The following PDZRN3 variants were observed in gnomAD, a reference collection of about 807,000 sequenced individuals.
PDZRN3 encodes E3 ubiquitin-protein ligase PDZRN3.
Under a neutral mutation model 85.7 loss-of-function variants are expected in PDZRN3, and 38 were observed. The ratio of observed to expected loss-of-function variants is 0.44; its 90% CI spans 0.34 to 0.58. The LOEUF (loss-of-function observed/expected upper bound fraction) is 0.58, where lower values mean the gene tolerates loss of function less well. PDZRN3 is among the 20% of genes least tolerant of loss of function. The pLI, the probability that PDZRN3 is intolerant of heterozygous loss-of-function variation, is 0.01. For synonymous variants in PDZRN3, 759 were observed against 638.0 expected, an observed-to-expected ratio of 1.19 and a Z score of -2.86; for missense variants, 1,629 against 1,506.4, an observed-to-expected ratio of 1.08 and a Z score of -1.35.
intron 3 of PDZRN3, among the ~76,000 whole-genome samples, chr3:73,440,778 T>G (rs1481441571): frequency 6.6e-6 from 1 of 151,864 alleles, no homozygotes; most frequent in Non-Finnish European, 1.5e-5. Flanking sequence ...GTGTAGAGAG[T>G]GAACTCAGCC....
intron 3 of PDZRN3, among the ~76,000 whole-genome samples, chr3:73,409,160 A>G (rs947365582): frequency 6.6e-6 from 1 of 152,186 alleles, no homozygotes; most frequent in African/African-American, 2.4e-5. Flanking sequence ...CAAAAATCCA[A>G]TCAGTTAGTC....
intron 3 of PDZRN3, among the ~76,000 whole-genome samples, chr3:73,460,581 A>C (rs1185326452): frequency 6.6e-6 from 1 of 152,240 alleles, no homozygotes; most frequent in Non-Finnish European, 1.5e-5. Flanking sequence ...TATCTGACAA[A>C]TGTGGCCTCA....
intron 3 of PDZRN3, among the ~76,000 whole-genome samples, chr3:73,489,700 G>A (rs1314722444): frequency 3.3e-5 from 5 of 149,582 alleles, no homozygotes; most frequent in Non-Finnish European, 4.4e-5. Flanking sequence ...AGCCTCCCCA[G>A]TAGCTGGAAT....
chr3:73,505,103 G>A (rs946111689), intron 3 of PDZRN3, among the ~76,000 whole-genome samples: 2 of 152,170 alleles, frequency 1.3e-5, no homozygotes, highest in African/African-American at 4.8e-5. Context: ...ACACCCATGG[G>A]AGGTGGCTTG....
intron 3 of PDZRN3, among the ~76,000 whole-genome samples, chr3:73,526,974 G>A (rs897776739): frequency 2.6e-5 from 4 of 152,022 alleles, no homozygotes; most frequent in African/African-American, 9.7e-5. Context: ...TCAGCCTCCT[G>A]GGTAGCTGGG....
At chr3:73,559,696 A>G (rs1201376497) in intron 3 of PDZRN3, among the ~76,000 whole-genome samples, 4 of 152,252 alleles carry the variant, frequency 2.6e-5, no homozygotes, top group African/African-American at 9.6e-5. Flanking sequence ...ATAAGTTTAC[A>G]CTTTAAAAGA....
At chr3:73,594,739 A>G (rs1702409231) in intron 3 of PDZRN3, among the ~76,000 whole-genome samples, 1 of 152,154 alleles carries the variant, frequency 6.6e-6, no homozygotes, top group Non-Finnish European at 1.5e-5. Context: ...GCTGTAGTAA[A>G]GACTATTAAG....
intron 3 of PDZRN3, among the ~76,000 whole-genome samples, chr3:73,560,897 A>C (rs1701802510): frequency 6.6e-6 from 1 of 152,222 alleles, no homozygotes; most frequent in South Asian, 2.1e-4. Context: ...TGCGTTTGGC[A>C]CATTTGTACA....
chr3:73,524,983 A>G (rs1415302026), intron 3 of PDZRN3, among the ~76,000 whole-genome samples: 1 of 149,294 alleles, frequency 6.7e-6, no homozygotes. Flanking sequence ...AATCACAGAT[A>G]TAAGAAATTA....
intron 5 of PDZRN3, among the ~76,000 whole-genome samples, chr3:73,396,136 T>C (rs1289812294): frequency 1.3e-5 from 2 of 152,068 alleles, no homozygotes; most frequent in Non-Finnish European, 2.9e-5. Flanking sequence ...GGCAGGTGAA[T>C]TGCTTGAACC....
At chr3:73,483,741 T>C (rs1703611238) in intron 3 of PDZRN3, among the ~76,000 whole-genome samples, 1 of 151,908 alleles carries the variant, frequency 6.6e-6, no homozygotes, top group Non-Finnish European at 1.5e-5. Flanking sequence ...GAGGAGACAG[T>C]GAATGCAAAG....
chr3:73,515,184 T>C (rs1352722892), intron 3 of PDZRN3, among the ~76,000 whole-genome samples: 2 of 146,424 alleles, frequency 1.4e-5, no homozygotes, highest in African/African-American at 2.5e-5. Context: ...TTTTTTTTTT[T>C]TTTTTTTTTT....
Position 73,384,223 on chromosome 3 carries a change from TCTC to T in PDZRN3, c.2340_2342del (p.Arg781del), listed in dbSNP as rs765025196. On this transcript the variant is annotated inframe_deletion, in exon 10 of 10. Coordinates refer to ENST00000263666, the MANE Select transcript of PDZRN3 (RefSeq NM_015009.3). ...TCGGGCAGCTGATGCCCTCCGCCGC[TCTC>T]CTCAAGGAGTTGTCGGGGGAGATCT... 1.3e-5 allele frequency: 21 copies of T among 1,613,560 alleles called. No individual in the cohort carries two copies. The highest frequency in any genetic ancestry group is 2.2e-5 in the East Asian group (1 of 44,848).
chr3:73,408,680 TA>T (rs1206236352), intron 3 of PDZRN3, among the ~76,000 whole-genome samples: 1 of 152,110 alleles, frequency 6.6e-6, no homozygotes, highest in Non-Finnish European at 1.5e-5. Flanking sequence ...TACATTCTCT[TA>T]AAAGATGATG....
At chr3:73,606,042 T>C (rs927810196) in intron 2 of PDZRN3, among the ~76,000 whole-genome samples, 6 of 152,256 alleles carry the variant, frequency 3.9e-5, no homozygotes, top group African/African-American at 1.4e-4. Flanking sequence ...CTGAACACCA[T>C]CTTCACTGGC....
At chr3:73,471,333 GA>G (rs1298309478) in intron 3 of PDZRN3, among the ~76,000 whole-genome samples, 1 of 152,090 alleles carries the variant, frequency 6.6e-6, no homozygotes, top group Non-Finnish European at 1.5e-5. Context: ...ACGTGGCCCT[GA>G]AAACACCCTG....
At chr3:73,385,906 A>C in intron 8 of PDZRN3, 121 bp from the exon 9 acceptor site, 1 of 651,416 alleles carries the variant, frequency 1.5e-6, no homozygotes, top group East Asian at 2.7e-5. Flanking sequence ...AGAGTCATCA[A>C]AATGCAGTCT....
chr3:73,444,563 C>T (rs1379760994), intron 3 of PDZRN3, among the ~76,000 whole-genome samples: 1 of 152,202 alleles, frequency 6.6e-6, no homozygotes, highest in African/African-American at 2.4e-5. Context: ...TGCTACACAT[C>T]GTCCCAGCTC....
chr3:73,467,821 C>G (rs540195899), intron 3 of PDZRN3, among the ~76,000 whole-genome samples: 4 of 152,240 alleles, frequency 2.6e-5, no homozygotes, highest in Admixed American at 2.6e-4. Flanking sequence ...AATATAGTTA[C>G]TCATGCTAAG....
Sources: gnomAD v4.1 joint callset for allele counts (sites outside exome capture counted in the v4.1 genomes callset) on GRCh38, gnomAD v4.1.1 for gene constraint, MANE v1.5 for transcripts, NCBI Gene and HGNC (gene_info 2026-07-23, HGNC 2026-07-21) for gene names.